The following MACROD2 variants were observed in gnomAD, a reference collection of about 807,000 sequenced individuals.
The protein encoded by MACROD2 is mono-ADP ribosylhydrolase 2, also known as ADP-ribose glycohydrolase MACROD2.
Under a neutral mutation model 70.4 loss-of-function variants are expected in MACROD2, and 36 were observed. The ratio of observed to expected loss-of-function variants is 0.51; its 90% CI spans 0.39 to 0.68. The LOEUF is 0.68. MACROD2 is among the 30% of genes least tolerant of loss of function. MACROD2 has a pLI of 0.00. For synonymous variants in MACROD2, 172 were observed against 178.8 expected, an observed-to-expected ratio of 0.96 and a Z score of 0.30; for missense variants, 496 against 538.4, an observed-to-expected ratio of 0.92 and a Z score of 0.78.
At chr20:14,433,551 A>G (rs1013769831) in intron 3 of MACROD2, among the ~76,000 whole-genome samples, 1 of 152,180 alleles carries the variant, frequency 6.6e-6, no homozygotes, top group African/African-American at 2.4e-5. Flanking sequence ...ATAAAATTCA[A>G]TCTTCATCAG....
rs150165205 is a variant in MACROD2 at position 14,968,357 on chromosome 20, C to T, written c.419-261583C>T. Among the ~76,000 whole-genome samples the T allele has an allele frequency of 8.5e-5, 13 of 152,196 alleles. No individual in the cohort carries two copies. The East Asian group carries it at 2.5e-3, about 29-fold the overall frequency. On this transcript the variant is annotated intron_variant, in intron 5 of 17. Coordinates refer to ENST00000684519, the MANE Select transcript of MACROD2 (RefSeq NM_001351661.2). ...TGTGGTCCTTTCTCAATTTGTCACT[C>T]AATTGATTGTACTCATACATGTGTT...
intron 6 of MACROD2, among the ~76,000 whole-genome samples, chr20:15,340,844 A>G (rs1273795021): frequency 6.6e-6 from 1 of 151,456 alleles, no homozygotes; most frequent in Non-Finnish European, 1.5e-5. Flanking sequence ...AAATACAGTT[A>G]TTTATTTATA....
At chr20:15,134,339 T>G (rs1568592560) in intron 5 of MACROD2, among the ~76,000 whole-genome samples, 2 of 151,398 alleles carry the variant, frequency 1.3e-5, no homozygotes, top group African/African-American at 4.8e-5. Flanking sequence ...TCAGCAAATG[T>G]AAAAGAACAG....
At chr20:14,889,535 T>G (rs1215930030) in intron 5 of MACROD2, among the ~76,000 whole-genome samples, 1 of 151,740 alleles carries the variant, frequency 6.6e-6, no homozygotes. Flanking sequence ...TTAAAAGAGA[T>G]AAAGGAATGA....
chr20:15,840,937 A>C (rs1464172880), intron 8 of MACROD2, among the ~76,000 whole-genome samples: 1 of 152,206 alleles, frequency 6.6e-6, no homozygotes, highest in Admixed American at 6.5e-5. Context: ...TATGTTTTTC[A>C]ACAAGAAAAC....
intron 5 of MACROD2, among the ~76,000 whole-genome samples, chr20:15,039,522 C>A (rs964369215): frequency 6.6e-6 from 1 of 152,128 alleles, no homozygotes; most frequent in Non-Finnish European, 1.5e-5. Flanking sequence ...TCCTTTACTT[C>A]AAAGTATTCT....
At chr20:15,612,592 G>A (rs1359965270) in intron 8 of MACROD2, among the ~76,000 whole-genome samples, 2 of 152,174 alleles carry the variant, frequency 1.3e-5, no homozygotes, top group South Asian at 2.1e-4. Context: ...CACGTTCTGC[G>A]GAAGAAATGC....
chr20:15,713,875 A>G (rs1443787229), intron 8 of MACROD2, among the ~76,000 whole-genome samples: 1 of 152,096 alleles, frequency 6.6e-6, no homozygotes, highest in East Asian at 1.9e-4. Context: ...ATGAAATCCA[A>G]GGGGCCAGGA....
intron 5 of MACROD2, among the ~76,000 whole-genome samples, chr20:15,031,519 C>G (rs552958816): frequency 1.9e-4 from 29 of 152,252 alleles, no homozygotes; most frequent in African/African-American, 5.8e-4. Context: ...GTGGGTAGCA[C>G]CTTTCCTCAG....
In MACROD2 at chr20:15,695,408, C is replaced by CTTTT. The variant is rs200041559; in HGVS notation, c.646-167335_646-167334insTTTT. Among the ~76,000 whole-genome samples the CTTTT allele has an allele frequency of 2.9e-5, 4 of 140,130 alleles. 1 individual carries two copies. Among genetic ancestry groups the CTTTT allele is most frequent in the Admixed American group, 1.4e-4 (2 of 14,382 alleles). The allele number at this position is 140,130 out of a possible 152,430, so 91.9% of individuals were successfully genotyped here. On this transcript the variant is annotated intron_variant, in intron 8 of 17. Coordinates refer to ENST00000684519, the MANE Select transcript of MACROD2 (RefSeq NM_001351661.2). ...TTGATTTCTTTCTTTTTTTCTTCTT[C>CTTTT]TTCTTTTTTTTTTTTTGGAGACAGA...
intron 3 of MACROD2, among the ~76,000 whole-genome samples, chr20:14,249,771 A>T (rs1443047060): frequency 1.3e-5 from 2 of 152,174 alleles, no homozygotes; most frequent in African/African-American, 4.8e-5. Context: ...GGCAAAATTT[A>T]TACCCTGCTA....
intron 12 of MACROD2, among the ~76,000 whole-genome samples, chr20:15,965,512 T>G (rs1236001198): frequency 1.3e-5 from 2 of 152,132 alleles, no homozygotes; most frequent in African/African-American, 4.8e-5. Context: ...ATGAATAAAT[T>G]TTAACTAAAC....
At chr20:15,347,032 T>A (rs1381528503) in intron 6 of MACROD2, among the ~76,000 whole-genome samples, 3 of 152,204 alleles carry the variant, frequency 2.0e-5, no homozygotes, top group Non-Finnish European at 4.4e-5. Flanking sequence ...TCCAGTTCTT[T>A]CCTTGCTGCC....
In MACROD2 at chr20:15,111,247, A is replaced by G. The variant is rs951138562; in HGVS notation, c.419-118693A>G. 4.7e-5 allele frequency among the ~76,000 whole-genome samples: 7 copies of G among 149,160 alleles called. No homozygotes were observed. The East Asian group carries it at 1.2e-3, about 25-fold the overall frequency. ...GGGTGCAGTGGCGCAATCTCGGCTC[A>G]CTGCAAACTCTGCCACCTGGGTTCA... is the stretch of plus-strand genomic sequence containing the variant. On this transcript the variant is annotated intron_variant, in intron 5 of 17. Transcript: ENST00000684519.
intron 5 of MACROD2, among the ~76,000 whole-genome samples, chr20:14,949,475 A>T (rs1436561844): frequency 6.6e-6 from 1 of 152,172 alleles, no homozygotes; most frequent in Non-Finnish European, 1.5e-5. Flanking sequence ...CAAAAATCAC[A>T]GTTTAAGTGG....
intron 3 of MACROD2, among the ~76,000 whole-genome samples, chr20:14,426,585 T>C (rs1227220720): frequency 1.3e-5 from 2 of 152,184 alleles, no homozygotes; most frequent in Admixed American, 6.5e-5. Flanking sequence ...GATTGGAGTT[T>C]TTGTGCATAA....
chr20:15,822,516 G>C (rs1319127416), intron 8 of MACROD2, among the ~76,000 whole-genome samples: 2 of 152,114 alleles, frequency 1.3e-5, no homozygotes, highest in Admixed American at 1.3e-4. Context: ...GAAAGTTATT[G>C]TGCAATTTAC....
intron 3 of MACROD2, among the ~76,000 whole-genome samples, chr20:14,194,025 A>G (rs1383626145): frequency 6.6e-6 from 1 of 152,158 alleles, no homozygotes; most frequent in African/African-American, 2.4e-5. Context: ...AGATTAAGAG[A>G]GTTAAATTGT....
chr20:14,702,964 G>A (rs1008095533), intron 5 of MACROD2, among the ~76,000 whole-genome samples: 1 of 151,674 alleles, frequency 6.6e-6, no homozygotes, highest in South Asian at 2.1e-4. Context: ...CTGACCTTAC[G>A]TGATCTGCCC....
Sources: allele counts gnomAD v4.1 joint callset (sites outside exome capture counted in the v4.1 genomes callset), GRCh38; gene constraint gnomAD v4.1.1; transcripts MANE v1.5; gene names NCBI Gene and HGNC (gene_info 2026-07-23, HGNC 2026-07-21).